Variants in PTPRN2 observed in about 807,000 individuals in gnomAD.
The protein encoded by PTPRN2 is receptor-type tyrosine-protein phosphatase N2.
In PTPRN2, 74 loss-of-function variants were observed where a neutral mutation model predicts 118.8. The observed-to-expected ratio is 0.62, with a 90% CI of 0.52 to 0.76. The LOEUF (loss-of-function observed/expected upper bound fraction) is 0.76. Among genes scored for constraint, PTPRN2 ranks in the 30% least tolerant of loss-of-function variants. The pLI is 0.00. For missense variants in PTPRN2, 1,481 were observed against 1,394.4 expected (o/e 1.06, Z -0.99); for synonymous variants, 641 against 608.0 (o/e 1.05, Z -0.80).
chr7:158,115,300 C>G (rs1466070552), intron 9 of PTPRN2, among the ~76,000 whole-genome samples: 1 of 152,038 alleles, frequency 6.6e-6, no homozygotes, highest in African/African-American at 2.4e-5. Context: ...GACATGAGCT[C>G]AAGCAGCATG....
chr7:158,268,004 T>C (rs1797996118), intron 3 of PTPRN2, among the ~76,000 whole-genome samples: 1 of 152,228 alleles, frequency 6.6e-6, no homozygotes, highest in African/African-American at 2.4e-5. Context: ...ACAGAGATGC[T>C]GCCCCAGTGA....
In PTPRN2 at chr7:158,232,634, G is replaced by GA. The variant is rs1278901821; in HGVS notation, c.278-27362dup. On this transcript the variant is annotated intron_variant, in intron 3 of 22. Coordinates refer to ENST00000389418, the MANE Select transcript of PTPRN2 (RefSeq NM_002847.5). The stretch of plus-strand genomic sequence containing the variant: ...CTGAAACCAAAAGCTGAAAAGACAA[G>GA]ACAAAAAAAAAGGAGGACTATAGGC... 1.5e-3 allele frequency among the ~76,000 whole-genome samples: 220 copies of GA among 145,210 alleles called. 4 individuals carry two copies. Among genetic ancestry groups the GA allele is most frequent in the Non-Finnish European group, 1.9e-3 (126 of 65,878 alleles).
chr7:158,337,559 T>A, intron 2 of PTPRN2, among the ~76,000 whole-genome samples: 1 of 140,228 alleles, frequency 7.1e-6, no homozygotes, highest in Non-Finnish European at 1.6e-5. Flanking sequence ...ACACCCACAC[T>A]CTCACCATAA....
intron 12 of PTPRN2, among the ~76,000 whole-genome samples, chr7:157,755,660 T>C (rs1451411689): frequency 5.3e-5 from 8 of 151,488 alleles, no homozygotes; most frequent in African/African-American, 1.9e-4. Context: ...CACTTATGAG[T>C]GGGAGGTAAG....
chr7:158,587,384 A>C (rs1586992387), intron 1 of PTPRN2, among the ~76,000 whole-genome samples, 174 bp downstream of exon 1: 3 of 37,836 alleles, frequency 7.9e-5, no homozygotes, highest in Admixed American at 3.0e-4. Flanking sequence ...CCCTCCCCGC[A>C]ACCCCCTCAC....
At chr7:158,143,739 GCA>G (rs1353776057) in intron 6 of PTPRN2, among the ~76,000 whole-genome samples, 1 of 152,124 alleles carries the variant, frequency 6.6e-6, no homozygotes, top group Non-Finnish European at 1.5e-5. Context: ...GTCACGATTC[GCA>G]GGAAGTGGCA....
At chr7:158,171,308 C>CATATATATATATAT (rs71198580) in intron 5 of PTPRN2, among the ~76,000 whole-genome samples, 3 of 48,676 alleles carry the variant, frequency 6.2e-5, no homozygotes, top group South Asian at 6.5e-4. Context: ...TATATACACA[C>CATATATATATATAT]ATATATATAT....
chr7:158,033,555 C>T (rs1431565842), intron 11 of PTPRN2, among the ~76,000 whole-genome samples: 8 of 152,016 alleles, frequency 5.3e-5, no homozygotes, highest in African/African-American at 1.7e-4. Context: ...GGCTCTGAGC[C>T]GTGGGATATA....
chr7:157,776,052 C>T (rs1272931504), intron 12 of PTPRN2, among the ~76,000 whole-genome samples: 1 of 151,520 alleles, frequency 6.6e-6, no homozygotes, highest in African/African-American at 2.4e-5. Context: ...TCACCTCCTC[C>T]CTCTCCTCCT....
chr7:158,221,773 T>C (rs1828397008), intron 3 of PTPRN2, among the ~76,000 whole-genome samples: 1 of 152,156 alleles, frequency 6.6e-6, no homozygotes, highest in Non-Finnish European at 1.5e-5. Flanking sequence ...GTGGAAATTA[T>C]GGAAGCTACA....
At chr7:158,108,860 G>A (rs1480177974) in intron 10 of PTPRN2, among the ~76,000 whole-genome samples, 2 of 152,270 alleles carry the variant, frequency 1.3e-5, no homozygotes, top group East Asian at 3.8e-4. Context: ...GTTGCCACAG[G>A]TGCCCAGTGA....
At chr7:158,301,242 A>G (rs751646193) in intron 3 of PTPRN2, among the ~76,000 whole-genome samples, 16 of 152,192 alleles carry the variant, frequency 1.1e-4, no homozygotes, top group Non-Finnish European at 1.8e-4. Context: ...TGCAAATTAA[A>G]CAGACAGCAT....
At chr7:157,810,468 C>T (rs1052666536) in intron 12 of PTPRN2, among the ~76,000 whole-genome samples, 33 of 144,884 alleles carry the variant, frequency 2.3e-4, no homozygotes, top group South Asian at 6.7e-4. Context: ...AGGCTCTCCA[C>T]GGGGACAGCG....
At chr7:158,340,974 C>T (rs1355420803) in intron 2 of PTPRN2, among the ~76,000 whole-genome samples, 6 of 83,080 alleles carry the variant, frequency 7.2e-5, no homozygotes, top group African/African-American at 1.6e-4. Context: ...GCAGATGTCA[C>T]TCACACCCAC....
At chr7:157,890,654 C>A (rs189161639) in intron 12 of PTPRN2, among the ~76,000 whole-genome samples, 2 of 152,270 alleles carry the variant, frequency 1.3e-5, no homozygotes, top group African/African-American at 2.4e-5. Context: ...ACAACAACAA[C>A]AAAATAATAG....
chr7:158,336,659 C>A (rs1451589603), intron 2 of PTPRN2, among the ~76,000 whole-genome samples: 4 of 146,858 alleles, frequency 2.7e-5, no homozygotes, highest in African/African-American at 1.0e-4. Context: ...ACGTCACTCA[C>A]ACCCACACTC....
intron 11 of PTPRN2, among the ~76,000 whole-genome samples, chr7:157,983,971 G>A (rs1180803087): frequency 1.3e-5 from 2 of 152,090 alleles, no homozygotes; most frequent in Admixed American, 6.6e-5. Context: ...AGGAGGAGCC[G>A]GCTCACCCAG....
chr7:158,232,735 C>G (rs550038563), intron 3 of PTPRN2, among the ~76,000 whole-genome samples: 1 of 152,196 alleles, frequency 6.6e-6, no homozygotes, highest in Non-Finnish European at 1.5e-5. Flanking sequence ...TCAACATGAT[C>G]GAGTGGGATT....
chr7:158,579,852 C>A (rs1828532587), intron 1 of PTPRN2, among the ~76,000 whole-genome samples: 1 of 152,196 alleles, frequency 6.6e-6, no homozygotes, highest in Admixed American at 6.5e-5. Flanking sequence ...CACATGGATG[C>A]CGCAAGTCTT....
Sources: gnomAD v4.1 joint callset for allele counts (sites outside exome capture counted in the v4.1 genomes callset) on GRCh38, gnomAD v4.1.1 for gene constraint, MANE v1.5 for transcripts, NCBI Gene and HGNC (gene_info 2026-07-23, HGNC 2026-07-21) for gene names.